FAM98B: variants seen among roughly 807,000 people sequenced by gnomAD.
FAM98B encodes the protein tRNA splicing ligase complex subunit 3B.
Under a neutral mutation model 43.9 loss-of-function variants are expected in FAM98B, and 32 were observed. That is an observed-to-expected ratio of 0.73 (90% CI 0.55 to 0.98). FAM98B has a LOEUF of 0.98. FAM98B is among the 50% of genes least tolerant of loss of function. The probability of loss-of-function intolerance (pLI) is 0.00; values close to 1 mark genes in which losing one functional copy is unlikely to be tolerated. For synonymous variants in FAM98B, 190 were observed against 174.0 expected, an observed-to-expected ratio of 1.09 and a Z score of -0.72; for missense variants, 514 against 522.9, an observed-to-expected ratio of 0.98 and a Z score of 0.17.
chr15:38,484,628 G>A lies in FAM98B; in HGVS notation c.1271G>A (p.Gly424Asp), dbSNP rs1046941797. 4 of 1,512,702 alleles carry A rather than the reference G, an allele frequency of 2.6e-6. No individual in the cohort carries two copies. In the Admixed American group the frequency reaches 7.5e-5, roughly 28 times the overall value. 93.7% of individuals were successfully genotyped at this position (1,512,702 alleles called of 1,614,324 possible). The change falls in exon 8 of 8, where the codon GGT becomes GAT. Residue 424 changes from glycine (G) to aspartate (D), a missense_variant. Physicochemically the swap from Gly to Asp is moderately conservative, Grantham distance 94 (BLOSUM62 -1). Coordinates refer to ENST00000397609, the MANE Select transcript of FAM98B (RefSeq NM_173611.4). The stretch of plus-strand genomic sequence containing the variant: ...GGAGGTGGTGGTGGTGGTGGTGGTG[G>A]TGGTGGAGGAGGTGGATATAGAAGA... Reference protein sequence around the residue: ...YGGGGGGGGGGGGGGGYRRY With the variant: ...YGGGGGGGGGDGGGGGYRRY
chr15:38,459,000 T>C (rs1243120913), intron 1 of FAM98B: 4 of 364,028 alleles, frequency 1.1e-5, no homozygotes, highest in Non-Finnish European at 2.2e-5. Flanking sequence ...ACTCATGGAA[T>C]AGGTGAGCCC....
Position 38,481,470 on chromosome 15 carries a change from C to G in FAM98B, c.897+11C>G, listed in dbSNP as rs1365490771. On this transcript the variant is annotated intron_variant, in intron 7 of 7. Transcript: ENST00000397609. The stretch of plus-strand genomic sequence containing the variant: ...TGTGCCATTAATAAGGTTGGTGTTT[C>G]TTTCAGTACAGTGGAAAATGAATTG... 1 of 1,614,176 alleles carries G rather than the reference C, an allele frequency of 6.2e-7. No homozygotes were observed. Among genetic ancestry groups the G allele is most frequent in the Non-Finnish European group, 8.5e-7 (1 of 1,180,032 alleles).
rs1247659631 is a variant in FAM98B at position 38,486,840 on chromosome 15, G to C, written c.*2181G>C. On this transcript the variant is annotated 3_prime_UTR_variant, in exon 8 of 8. Coordinates refer to ENST00000397609, the MANE Select transcript of FAM98B (RefSeq NM_173611.4). ...TCTGGAATAGCAGGAAGGAAATTTG[G>C]GGCCTTAATGGGAAAGGCCATAGTG... The C allele has an allele frequency of 1.3e-5, 2 of 152,058 alleles. No homozygotes were observed. Among genetic ancestry groups the C allele is most frequent in the Non-Finnish European group, 2.9e-5 (2 of 67,950 alleles). 9.4% of individuals were successfully genotyped at this position (152,058 alleles called of 1,614,324 possible).
chr15:38,457,361 T>C (rs772595219), intron 1 of FAM98B, among the ~76,000 whole-genome samples: 7 of 152,120 alleles, frequency 4.6e-5, no homozygotes, highest in Non-Finnish European at 8.8e-5. Context: ...CAAAATGAAA[T>C]GATACACCTT....
intron 3 of FAM98B, 132 bp downstream of exon 3, chr15:38,465,535 C>A: frequency 1.2e-6 from 1 of 809,394 alleles, no homozygotes; most frequent in Non-Finnish European, 1.8e-6. Context: ...AAATACAAAG[C>A]TATCTCAGAA....
chr15:38,460,730 G>A (rs933775806), intron 1 of FAM98B, among the ~76,000 whole-genome samples: 1 of 152,208 alleles, frequency 6.6e-6, no homozygotes, highest in Non-Finnish European at 1.5e-5. Flanking sequence ...GGCTAAGAGT[G>A]TGGGGCTATG....
At chr15:38,461,909 A>G (rs913626086) in intron 1 of FAM98B, among the ~76,000 whole-genome samples, 1 of 152,132 alleles carries the variant, frequency 6.6e-6, no homozygotes, top group Non-Finnish European at 1.5e-5. Context: ...TTATGTATCT[A>G]TTTACCCTTT....
chr15:38,458,431 G>A (rs186402849), intron 1 of FAM98B, among the ~76,000 whole-genome samples: 372 of 152,222 alleles, frequency 2.4e-3, no homozygotes, highest in African/African-American at 8.5e-3. Flanking sequence ...GAGAGGAGAC[G>A]ACTTGAAAGA....
At chr15:38,457,974 TAAGA>T (rs1363931427) in intron 1 of FAM98B, among the ~76,000 whole-genome samples, 4 of 150,210 alleles carry the variant, frequency 2.7e-5, no homozygotes, top group Non-Finnish European at 5.9e-5. Context: ...TTTTTTTTTT[TAAGA>T]AAGAGAATTT....
intron 3 of FAM98B, among the ~76,000 whole-genome samples, chr15:38,465,629 T>G (rs1417713370): frequency 6.6e-6 from 1 of 152,170 alleles, no homozygotes; most frequent in Non-Finnish European, 1.5e-5. Context: ...TGTCCTGTGT[T>G]TGTGATTTAT....
At chr15:38,472,546 T>G (rs571146759) in intron 4 of FAM98B, among the ~76,000 whole-genome samples, 1 of 152,144 alleles carries the variant, frequency 6.6e-6, no homozygotes, top group Non-Finnish European at 1.5e-5. Context: ...TTTAAGTATA[T>G]ATATATAGTT....
intron 1 of FAM98B, among the ~76,000 whole-genome samples, 194 bp from the exon 2 acceptor site, chr15:38,463,838 C>T (rs1889988289): frequency 6.6e-6 from 1 of 152,130 alleles, no homozygotes; most frequent in Non-Finnish European, 1.5e-5. Context: ...TCATCATTTT[C>T]GGTTACAAAT....
chr15:38,468,763 G>C (rs766141584), intron 3 of FAM98B, among the ~76,000 whole-genome samples: 57 of 152,220 alleles, frequency 3.7e-4, no homozygotes, highest in Middle Eastern at 3.4e-3. Context: ...TAGATCTACT[G>C]TTCAGAATCT....
At chr15:38,458,843 A>G (rs1206073843) in intron 1 of FAM98B, 4 of 487,788 alleles carry the variant, frequency 8.2e-6, no homozygotes, top group Non-Finnish European at 1.2e-5. Context: ...AGTATCTGCC[A>G]TGTCATCAAA....
intron 4 of FAM98B, among the ~76,000 whole-genome samples, chr15:38,471,220 A>T (rs549854025): frequency 1.3e-5 from 2 of 152,260 alleles, no homozygotes; most frequent in African/African-American, 4.8e-5. Context: ...TTGATAATTT[A>T]TGAACTGAAA....
intron 7 of FAM98B, 178 bp downstream of exon 7, chr15:38,481,637 A>C: frequency 6.6e-7 from 1 of 1,514,404 alleles, no homozygotes; most frequent in Non-Finnish European, 8.9e-7. Context: ...GTTCACTTGA[A>C]TTTGTGTATT....
At chr15:38,475,254 C>T (rs899609353) in intron 6 of FAM98B, among the ~76,000 whole-genome samples, 1 of 152,074 alleles carries the variant, frequency 6.6e-6, no homozygotes, top group Admixed American at 6.5e-5. Flanking sequence ...CTCAGATCAT[C>T]AGGCATTAGC....
At position 38,484,865 on chromosome 15, in the gene FAM98B, C is replaced by A; in HGVS notation, c.*206C>A. 3 of 694,832 alleles carry A rather than the reference C, an allele frequency of 4.3e-6. No homozygotes were observed. Among genetic ancestry groups the A allele is most frequent in the Non-Finnish European group, 6.2e-6 (3 of 480,366 alleles). The allele number at this position is 694,832 out of a possible 1,614,324, so 43.0% of individuals were successfully genotyped here. On this transcript the variant is annotated 3_prime_UTR_variant, in exon 8 of 8. Transcript: ENST00000397609. The stretch of plus-strand genomic sequence containing the variant: ...ATGAAGTGATGACTTTTTCCATATT[C>A]TGTGTACCCTTGAGCATGTTGTGTC...
chr15:38,454,133 A>C lies in FAM98B; in HGVS notation c.-29A>C, dbSNP rs1889806874. 1 of 1,579,160 alleles carries C rather than the reference A, an allele frequency of 6.3e-7. No individual in the cohort carries two copies. The highest frequency in any genetic ancestry group is 1.2e-5 in the South Asian group (1 of 86,020). ...CGCTAGTTTCCGGCGGGCTACTTAG[A>C]GCGCCGAACAGCTCTGGGCCAAAGG... is the stretch of plus-strand genomic sequence containing the variant. On this transcript the variant is annotated 5_prime_UTR_variant, in exon 1 of 8. Coordinates refer to ENST00000397609, the MANE Select transcript of FAM98B (RefSeq NM_173611.4).
Sources: allele counts gnomAD v4.1 joint callset (sites outside exome capture counted in the v4.1 genomes callset), GRCh38; gene constraint gnomAD v4.1.1; transcripts MANE v1.5; gene names NCBI Gene and HGNC (gene_info 2026-07-23, HGNC 2026-07-21).